KLHL18: variants seen among roughly 807,000 people sequenced by gnomAD.
KLHL18 encodes the protein kelch like family member 18, also known as kelch-like protein 18.
In KLHL18, 38 loss-of-function variants were observed where a neutral mutation model predicts 58.5. The observed-to-expected ratio is 0.65, with a 90% CI of 0.50 to 0.85. The LOEUF is 0.85. Ranked by LOEUF, KLHL18 falls within the 40% of genes least tolerant of loss-of-function variation. The pLI is 0.00. For missense variants in KLHL18, 624 were observed against 778.4 expected (o/e 0.80, Z 2.36); for synonymous variants, 303 against 301.9 (o/e 1.00, Z -0.04).
rs2107582755 is a variant in KLHL18 at position 47,293,882 on chromosome 3, T to TCCCA, written c.129+10788_129+10789insCCCA. On this transcript the variant is annotated intron_variant, in intron 1 of 9. Coordinates refer to ENST00000232766, the MANE Select transcript of KLHL18 (RefSeq NM_025010.5). ...CACAGTTGAAACTCTGGGATTGTCT[T>TCCCA]TGGCTCATCCTCTCTTATGTGTATT... 2.6e-5 allele frequency among the ~76,000 whole-genome samples: 4 copies of TCCCA among 152,334 alleles called. No individual in the cohort carries two copies. In the South Asian group the frequency reaches 8.3e-4, roughly 32 times the overall value.
intron 1 of KLHL18, 23 bp downstream of exon 1, chr3:47,283,117 G>T (rs1180232194): frequency 8.3e-6 from 13 of 1,559,260 alleles, no homozygotes; most frequent in Non-Finnish European, 1.1e-5. Flanking sequence ...GGGCGGCAGC[G>T]GGCTGAGGGA....
At chr3:47,296,402 G>C (rs537842921) in intron 1 of KLHL18, among the ~76,000 whole-genome samples, 3 of 152,302 alleles carry the variant, frequency 2.0e-5, no homozygotes, top group African/African-American at 7.2e-5. Flanking sequence ...TACTATATAA[G>C]TGCATTTACC....
At chr3:47,298,210 T>C (rs981318876) in intron 1 of KLHL18, among the ~76,000 whole-genome samples, 1 of 151,590 alleles carries the variant, frequency 6.6e-6, no homozygotes, top group Non-Finnish European at 1.5e-5. Context: ...TGAGACCCCA[T>C]CTCTACCAAA....
chr3:47,305,231 A>G (rs1029251478), intron 1 of KLHL18, among the ~76,000 whole-genome samples: 1 of 151,370 alleles, frequency 6.6e-6, no homozygotes, highest in Non-Finnish European at 1.5e-5. Context: ...TTACTAGAAT[A>G]CTAGAAGTTT....
chr3:47,305,293 T>A (rs557290111), intron 1 of KLHL18, among the ~76,000 whole-genome samples: 1 of 150,894 alleles, frequency 6.6e-6, no homozygotes, highest in African/African-American at 2.4e-5. Context: ...TTCCTAGTGT[T>A]CTGAGAATTT....
At chr3:47,317,302 C>CG (rs1469418814) in intron 1 of KLHL18, among the ~76,000 whole-genome samples, 1 of 152,028 alleles carries the variant, frequency 6.6e-6, no homozygotes, top group Non-Finnish European at 1.5e-5. Context: ...TTAGTAGAGA[C>CG]GGGGTTTCAC....
chr3:47,316,569 A>G (rs530118311), intron 1 of KLHL18, among the ~76,000 whole-genome samples: 113 of 113,384 alleles, frequency 1.0e-3, no homozygotes, highest in Non-Finnish European at 9.6e-4. Context: ...ATATATGTAT[A>G]TGTGTGTATA....
chr3:47,310,120 C>T (rs919566894), intron 1 of KLHL18, among the ~76,000 whole-genome samples: 1 of 152,168 alleles, frequency 6.6e-6, no homozygotes, highest in Non-Finnish European at 1.5e-5. Flanking sequence ...ATATCTTTTA[C>T]TTTCTTTGGG....
At chr3:47,322,371 C>G (rs1327625735) in intron 2 of KLHL18, among the ~76,000 whole-genome samples, 197 bp from the exon 3 acceptor site, 1 of 152,178 alleles carries the variant, frequency 6.6e-6, no homozygotes, top group African/African-American at 2.4e-5. Flanking sequence ...TGATTGTGTT[C>G]TCTTTTTTAG....
At position 47,343,672 on chromosome 3, in the gene KLHL18, G is replaced by T. The variant is rs116903383; in HGVS notation, c.1456G>T (p.Asp486Tyr). 18 of 1,614,126 alleles carry T rather than the reference G, an allele frequency of 1.1e-5. No individual in the cohort carries two copies. In the East Asian group the frequency reaches 3.6e-4, roughly 32 times the overall value. Reference protein sequence around the residue: ...GSKMFVCGGYDGSGFLSIAEM... With the variant: ...GSKMFVCGGYYGSGFLSIAEM... ...CAAGATGTTTGTCTGCGGGGGCTACGATGGCTCTGGCTTCCTCAGCATTGC... is the reference window on the plus strand; with the variant it reads ...CAAGATGTTTGTCTGCGGGGGCTACTATGGCTCTGGCTTCCTCAGCATTGC... Residue 486 changes from aspartate to tyrosine, a missense_variant, in exon 10 of 10, where the codon GAT (aspartate) becomes TAT (tyrosine). Asp to Tyr is a radical substitution (Grantham distance 160). Transcript: ENST00000232766.
At chr3:47,307,058 A>G (rs1703162191) in intron 1 of KLHL18, among the ~76,000 whole-genome samples, 1 of 151,998 alleles carries the variant, frequency 6.6e-6, no homozygotes, top group African/African-American at 2.4e-5. Context: ...GTTTGCAAAT[A>G]TCTTTTCTCA....
chr3:47,309,073 G>C (rs1341812823), intron 1 of KLHL18, among the ~76,000 whole-genome samples: 1 of 152,192 alleles, frequency 6.6e-6, no homozygotes, highest in African/African-American at 2.4e-5. Flanking sequence ...ATTTCAGAGA[G>C]CACCGGGTTG....
At chr3:47,337,917 TGCTCTGGACC>T (rs1161692745) in intron 7 of KLHL18, 2 of 152,272 alleles carry the variant, frequency 1.3e-5, no homozygotes, top group Non-Finnish European at 2.9e-5. Flanking sequence ...CTTGTGTGTC[TGCTCTGGACC>T]ACTTCCTTGC....
intron 1 of KLHL18, among the ~76,000 whole-genome samples, chr3:47,300,287 T>TTTTATATATATA (rs1553630130): frequency 1.5e-5 from 2 of 133,136 alleles, no homozygotes; most frequent in Non-Finnish European, 3.2e-5. Context: ...CACCGGCATT[T>TTTTATATATATA]TATATATATA....
intron 1 of KLHL18, among the ~76,000 whole-genome samples, chr3:47,290,061 G>A (rs1445132538): frequency 6.6e-6 from 1 of 152,174 alleles, no homozygotes; most frequent in Non-Finnish European, 1.5e-5. Context: ...AAACCCTGAG[G>A]CTTAGAGCTA....
At chr3:47,300,313 G>GTATATA (rs1559488708) in intron 1 of KLHL18, among the ~76,000 whole-genome samples, 2 of 88,220 alleles carry the variant, frequency 2.3e-5, no homozygotes, top group Non-Finnish European at 5.7e-5. Context: ...ATATATATGT[G>GTATATA]TGTATATATG....
At chr3:47,313,554 G>A (rs933949735) in intron 1 of KLHL18, among the ~76,000 whole-genome samples, 3 of 152,158 alleles carry the variant, frequency 2.0e-5, no homozygotes, top group Middle Eastern at 6.8e-3. Flanking sequence ...TCTCCCAGTG[G>A]TAATATCTTG....
intron 1 of KLHL18, 87 bp downstream of exon 1, chr3:47,283,181 A>G (rs749777209): frequency 1.6e-5 from 12 of 738,580 alleles, no homozygotes; most frequent in Non-Finnish European, 1.9e-5. Context: ...AGAGAGGTCT[A>G]GCAGGGAGAG....
At chr3:47,341,237 T>G (rs1258358806) in intron 8 of KLHL18, among the ~76,000 whole-genome samples, 1 of 152,232 alleles carries the variant, frequency 6.6e-6, no homozygotes, top group Non-Finnish European at 1.5e-5. Flanking sequence ...ATTGACAAGG[T>G]TAGCCCGAGT....
Sources: gnomAD v4.1 joint callset for allele counts (sites outside exome capture counted in the v4.1 genomes callset) on GRCh38, gnomAD v4.1.1 for gene constraint, MANE v1.5 for transcripts, NCBI Gene and HGNC (gene_info 2026-07-23, HGNC 2026-07-21) for gene names.